Variants in HSD17B11 observed in about 807,000 individuals in gnomAD.
HSD17B11 encodes the protein estradiol 17-beta-dehydrogenase 11.
Under a neutral mutation model 27.8 loss-of-function variants are expected in HSD17B11, and 22 were observed. That is an observed-to-expected ratio of 0.79 (90% CI 0.56 to 1.13). HSD17B11 has a LOEUF of 1.13. HSD17B11 is among the 50% of genes most tolerant of loss of function. The pLI is 0.00. For synonymous variants in HSD17B11, 117 were observed against 132.8 expected (o/e 0.88, Z 0.82); for missense variants, 314 against 351.1 (o/e 0.89, Z 0.84).
At chr4:87,366,237 G>A (rs1181803591) in intron 4 of HSD17B11, among the ~76,000 whole-genome samples, 1 of 152,058 alleles carries the variant, frequency 6.6e-6, no homozygotes, top group Non-Finnish European at 1.5e-5. Context: ...GTATTATTCA[G>A]TTTTTCCATA....
chr4:87,359,350 C>T (rs6845304), intron 4 of HSD17B11, among the ~76,000 whole-genome samples: 79,892 of 151,922 alleles, frequency 0.53, 21,277 homozygotes, highest in Non-Finnish European at 0.58. Flanking sequence ...AGACATTGCC[C>T]TCAGTTATTC....
Position 87,391,154 on chromosome 4 carries a change from A to C in HSD17B11, c.-84T>G. ...CTTTTAGAGGGTAGCTCGATCTAAC[A>C]CCAGAAAGAGTAGGGGCGAGAGCAA... On this transcript the variant is annotated 5_prime_UTR_variant, in exon 1 of 7. Transcript: ENST00000358290. 1.0e-6 allele frequency: 1 copy of C among 985,236 alleles called. No individual in the cohort carries two copies. Among genetic ancestry groups the C allele is most frequent in the South Asian group, 1.5e-5 (1 of 64,730 alleles). The allele number at this position is 985,236 out of a possible 1,614,324, so 61.0% of individuals were successfully genotyped here. A position where few individuals can be genotyped will look rare whatever the true frequency, so the allele number is the denominator to read the frequency against.
intron 4 of HSD17B11, among the ~76,000 whole-genome samples, chr4:87,363,359 A>G (rs567256180): frequency 2.3e-4 from 35 of 152,350 alleles, no homozygotes; most frequent in Middle Eastern, 6.8e-3. Context: ...GCGAAAAAGA[A>G]TTCTAAGGCT....
intron 6 of HSD17B11, 49 bp from the exon 7 acceptor site, chr4:87,337,415 T>C (rs1735074537): frequency 9.9e-7 from 1 of 1,009,100 alleles, no homozygotes. Flanking sequence ...ATTAAGTGCA[T>C]TTGTAGAATA....
chr4:87,353,909 T>G (rs1005193654), intron 5 of HSD17B11, among the ~76,000 whole-genome samples: 10 of 152,188 alleles, frequency 6.6e-5, no homozygotes, highest in African/African-American at 2.4e-4. Flanking sequence ...CTTTCAGTTT[T>G]AGTGAAGCTT....
At chr4:87,367,113 T>C (rs1213161163) in intron 4 of HSD17B11, among the ~76,000 whole-genome samples, 1 of 152,248 alleles carries the variant, frequency 6.6e-6, no homozygotes, top group Non-Finnish European at 1.5e-5. Context: ...TCTTAACTTA[T>C]GGCAATATAG....
chr4:87,337,978 G>A (rs1404320929), intron 6 of HSD17B11, among the ~76,000 whole-genome samples: 1 of 152,234 alleles, frequency 6.6e-6, no homozygotes, highest in Non-Finnish European at 1.5e-5. Context: ...AGCACTTTGG[G>A]AGGCAGAGGC....
At chr4:87,344,029 C>T (rs929431491) in intron 5 of HSD17B11, among the ~76,000 whole-genome samples, 1 of 152,180 alleles carries the variant, frequency 6.6e-6, no homozygotes, top group African/African-American at 2.4e-5. Context: ...TTTAAACTAT[C>T]TACCTGACAT....
rs1436325587 is a variant in HSD17B11, at chr4:87,378,814, TATAAAATATATATATAAA to T, written c.318+3423_318+3440del. 8.0e-5 allele frequency among the ~76,000 whole-genome samples: 6 copies of T among 74,922 alleles called. 1 individual carries two copies. Among genetic ancestry groups the T allele is most frequent in the African/African-American group, 3.8e-4 (6 of 15,648 alleles). 49.2% of individuals were successfully genotyped at this position (74,922 alleles called of 152,430 possible). A position where few individuals can be genotyped will look rare whatever the true frequency, so the allele number is the denominator to read the frequency against. Reference sequence around the variant, plus strand: ...ATATGATTTTATATATATATATAAATATAAAATATATATATAAATATATATATATAAATATATATATAA... The same window carrying T: ...ATATGATTTTATATATATATATAAATTATATATATATAAATATATATATAA... On this transcript the variant is annotated intron_variant, in intron 2 of 6. Transcript: ENST00000358290.
Position 87,358,795 on chromosome 4 carries a change from T to TAA in HSD17B11, c.558-1381_558-1380dup, listed in dbSNP as rs35077787. On this transcript the variant is annotated intron_variant, in intron 4 of 6. Transcript: ENST00000358290. ...GCTGTGGAAATTTTTTAAAAAATTT[T>TAA]AAAAAAAATTTCTTACCTTTTTAAA... is the stretch of plus-strand genomic sequence containing the variant. 9.7e-3 allele frequency among the ~76,000 whole-genome samples: 1,279 copies of TAA among 132,462 alleles called. 16 individuals are homozygous for TAA. Among genetic ancestry groups the TAA allele is most frequent in the African/African-American group, 0.032 (1,181 of 36,878 alleles). The allele number at this position is 132,462 out of a possible 152,430, so 86.9% of individuals were successfully genotyped here.
chr4:87,379,618 A>G (rs1007739587), intron 2 of HSD17B11, among the ~76,000 whole-genome samples: 1 of 145,472 alleles, frequency 6.9e-6, no homozygotes, highest in Non-Finnish European at 1.5e-5. Context: ...ATATATACAT[A>G]TATGTATTAT....
intron 5 of HSD17B11, among the ~76,000 whole-genome samples, chr4:87,346,465 A>G (rs1367575285): frequency 6.6e-6 from 1 of 152,130 alleles, no homozygotes; most frequent in African/African-American, 2.4e-5. Context: ...CCTGGCCCAC[A>G]TGGCAAAACC....
At chr4:87,377,102 C>T (rs1001534803) in intron 2 of HSD17B11, among the ~76,000 whole-genome samples, 4 of 151,514 alleles carry the variant, frequency 2.6e-5, no homozygotes, top group Non-Finnish European at 5.9e-5. Context: ...TGCACGCCCG[C>T]CTGGGTGACA....
chr4:87,370,731 A>AACCTAT (rs376028397), intron 4 of HSD17B11, among the ~76,000 whole-genome samples: 5 of 11,432 alleles, frequency 4.4e-4, no homozygotes, highest in African/African-American at 1.6e-3. Context: ...TATTATTATT[A>AACCTAT]TTATTATTAT....
chr4:87,338,224 A>ACC (rs11418537), intron 6 of HSD17B11, among the ~76,000 whole-genome samples: 1 of 151,306 alleles, frequency 6.6e-6, no homozygotes, highest in African/African-American at 2.4e-5. Context: ...CCCCCACAGC[A>ACC]CCCCCCCAAA....
At chr4:87,367,627 G>A (rs954900830) in intron 4 of HSD17B11, among the ~76,000 whole-genome samples, 2 of 152,242 alleles carry the variant, frequency 1.3e-5, no homozygotes, top group African/African-American at 4.8e-5. Context: ...AAACTGGAGA[G>A]AGAATATTAT....
intron 2 of HSD17B11, among the ~76,000 whole-genome samples, chr4:87,377,744 C>T (rs1030772656): frequency 2.6e-5 from 4 of 152,110 alleles, no homozygotes; most frequent in Non-Finnish European, 5.9e-5. Flanking sequence ...CACTGTGTTT[C>T]AAATGAAACC....
At chr4:87,346,813 T>A (rs755148290) in intron 5 of HSD17B11, among the ~76,000 whole-genome samples, 1 of 152,128 alleles carries the variant, frequency 6.6e-6, no homozygotes, top group Non-Finnish European at 1.5e-5. Context: ...GCCCAGCTAC[T>A]TGGGACACTG....
At position 87,391,004 on chromosome 4, in the gene HSD17B11, CGAA is replaced by C. The variant is rs1336571842; in HGVS notation, c.64_66del (p.Phe22del). The C allele has an allele frequency of 6.2e-7, 1 of 1,613,994 alleles. No individual in the cohort carries two copies. The highest frequency in any genetic ancestry group is 8.5e-7 in the Non-Finnish European group (1 of 1,180,032). On this transcript the variant is annotated inframe_deletion, in exon 1 of 7. Transcript: ENST00000358290. The stretch of plus-strand genomic sequence containing the variant: ...CTCCTCTTAGGAATAAAAAGCTTCA[CGAA>C]GGACTCTAGGGAGCAGACGATCAGT...
Sources: allele counts gnomAD v4.1 joint callset (sites outside exome capture counted in the v4.1 genomes callset), GRCh38; gene constraint gnomAD v4.1.1; transcripts MANE v1.5; gene names NCBI Gene and HGNC (gene_info 2026-07-23, HGNC 2026-07-21).